The following P2RX5 variants were observed in gnomAD, a reference collection of about 807,000 sequenced individuals.
P2RX5 encodes P2X purinoceptor 5.
In P2RX5, 46 loss-of-function variants were observed where a neutral mutation model predicts 54.1. The observed-to-expected ratio is 0.85, with a 90% CI of 0.67 to 1.09. The LOEUF is 1.09. Ranked by LOEUF, P2RX5 falls within the 50% of genes least tolerant of loss-of-function variation. The pLI, the probability that P2RX5 is intolerant of heterozygous loss-of-function variation, is 0.00. For synonymous variants in P2RX5, 226 were observed against 226.4 expected (o/e 1.00, Z 0.02); for missense variants, 566 against 549.8 (o/e 1.03, Z -0.29).
the P2RX5 span, among the ~76,000 whole-genome samples, chr17:3,703,866 C>G: frequency 6.6e-6 from 1 of 152,094 alleles, no homozygotes; most frequent in Non-Finnish European, 1.5e-5. Flanking sequence ...TTTGGGAGGC[C>G]GAGGTGGGTG....
chr17:3,690,021 C>G (rs1479864330), intron 6 of P2RX5, 49 bp downstream of exon 6: 9 of 1,541,930 alleles, frequency 5.8e-6, no homozygotes, highest in South Asian at 1.1e-5. Flanking sequence ...GCCAAGGCCC[C>G]TCATCGACCA....
chr17:3,723,351 G>T, the P2RX5 span: 1 of 1,613,842 alleles, frequency 6.2e-7, no homozygotes, highest in South Asian at 1.1e-5. Flanking sequence ...CTGAAGCGAT[G>T]ACACAGCTCA....
At chr17:3,681,849 G>T in intron 10 of P2RX5, 47 bp downstream of exon 10, 1 of 1,273,870 alleles carries the variant, frequency 7.9e-7, no homozygotes, top group Non-Finnish European at 1.1e-6. Context: ...CCACGGGGGT[G>T]CTCCACAGGG....
chr17:3,675,462 C>T, intron 11 of P2RX5: 1 of 985,362 alleles, frequency 1.0e-6, no homozygotes, highest in Non-Finnish European at 1.2e-6. Flanking sequence ...TTTTTTGCTT[C>T]CTCCCAAACC....
chr17:3,679,543 C>A, intron 11 of P2RX5, 47 bp downstream of exon 11: 1 of 1,577,870 alleles, frequency 6.3e-7, no homozygotes, highest in South Asian at 1.1e-5. Context: ...GGGGACCCCT[C>A]TCTGCAGGAC....
chr17:3,695,834 T>G, intron 1 of P2RX5, 35 bp downstream of exon 1: 293 of 774,070 alleles, frequency 3.8e-4, no homozygotes, highest in Non-Finnish European at 5.5e-4. Flanking sequence ...GCCCTGCCCC[T>G]CCCCCGCCTT....
At chr17:3,705,295 C>T in the P2RX5 span, among the ~76,000 whole-genome samples, 3 of 152,154 alleles carry the variant, frequency 2.0e-5, no homozygotes, top group East Asian at 1.9e-4. Context: ...TCCCATAGTT[C>T]CCTGTACACG....
chr17:3,683,528 G>T (rs1472086915), intron 9 of P2RX5, among the ~76,000 whole-genome samples: 1 of 152,074 alleles, frequency 6.6e-6, no homozygotes, highest in Non-Finnish European at 1.5e-5. Flanking sequence ...GTCAGGAGTT[G>T]GAGACCAGCC....
the P2RX5 span, among the ~76,000 whole-genome samples, chr17:3,707,575 G>C: frequency 6.6e-6 from 1 of 152,148 alleles, no homozygotes; most frequent in South Asian, 2.1e-4. Context: ...GCTCTAAAGA[G>C]AGGAAAGATC....
Position 3,691,651 on chromosome 17 carries a change from G to A in P2RX5, c.281C>T (p.Pro94Leu). Residue 94 changes from proline (P) to leucine (L), a missense_variant, in exon 2 of 12, where the codon CCA becomes CTA. By Grantham distance (98) the Pro-to-Leu change is moderately conservative. Transcript: ENST00000225328. ...CTAGGTGGGGACTCAGACCTGGGCT[G>A]GAATGACGTAGTCGGCGACATCCCA... is the stretch of plus-strand genomic sequence containing the variant. The part of the protein sequence containing the change: ...RIWDVADYVI[P>L]AQGENVFFVV... 2 of 1,614,202 alleles carry A rather than the reference G, an allele frequency of 1.2e-6. No individual in the cohort carries two copies. Among genetic ancestry groups the A allele is most frequent in the Middle Eastern group, 3.3e-4 (2 of 6,062 alleles).
At chr17:3,690,325 T>C in intron 5 of P2RX5, 102 bp downstream of exon 5, 1 of 1,144,256 alleles carries the variant, frequency 8.7e-7, no homozygotes. Flanking sequence ...GACTCCTCCC[T>C]CAGCGTGAGG....
At chr17:3,701,704 A>AT in the P2RX5 span, among the ~76,000 whole-genome samples, 3 of 75,552 alleles carry the variant, frequency 4.0e-5, no homozygotes, top group Non-Finnish European at 1.2e-4. Context: ...CAGAAAAAAA[A>AT]AAAAAAAAAA....
the P2RX5 span, among the ~76,000 whole-genome samples, chr17:3,711,523 C>G: frequency 5.8e-4 from 87 of 150,632 alleles, no homozygotes; most frequent in Middle Eastern, 3.4e-3. Flanking sequence ...GCTGGGATTA[C>G]AGGCACCCAC....
chr17:3,705,115 G>C, the P2RX5 span, among the ~76,000 whole-genome samples: 1 of 152,298 alleles, frequency 6.6e-6, no homozygotes, highest in Admixed American at 6.5e-5. Context: ...TCTAACTCCA[G>C]TTCCCGGCGC....
Position 3,689,540 on chromosome 17 carries a change from G to T in P2RX5, c.705C>A (p.Gly235=). Residue 235 remains glycine, a synonymous_variant, in exon 7 of 12, where the codon GGC becomes GGA. Transcript: ENST00000225328. ...CGCTCCCGGCCCAGCGGATCACGGA[G>T]CCCAGTCGGAAGATGGGGCAGTAGT... is the stretch of plus-strand genomic sequence containing the variant. ...KNHYCPIFRL[G]SVIRWAGSDF... The T allele has an allele frequency of 1.9e-6, 3 of 1,614,226 alleles. No homozygotes were observed. The highest frequency in any genetic ancestry group is 2.2e-5 in the East Asian group (1 of 44,890).
the P2RX5 span, among the ~76,000 whole-genome samples, chr17:3,719,249 A>G: frequency 4.1e-5 from 6 of 146,284 alleles, no homozygotes; most frequent in East Asian, 2.0e-4. Flanking sequence ...AAAAAAAAAA[A>G]AAAAAAAGAA....
chr17:3,688,229 G>A (rs1032226046), intron 8 of P2RX5, 124 bp from the exon 9 acceptor site: 36 of 700,928 alleles, frequency 5.1e-5, no homozygotes, highest in Non-Finnish European at 6.5e-5. Context: ...GCAGCCCCAG[G>A]AGTGGCTTGC....
chr17:3,693,349 A>G (rs2050670592), intron 1 of P2RX5, among the ~76,000 whole-genome samples: 1 of 152,218 alleles, frequency 6.6e-6, no homozygotes, highest in Admixed American at 6.5e-5. Flanking sequence ...ACTGATAGGG[A>G]TGTAAAATGA....
the P2RX5 span, among the ~76,000 whole-genome samples, chr17:3,714,338 C>T: frequency 1.3e-5 from 2 of 152,286 alleles, no homozygotes; most frequent in South Asian, 4.1e-4. Context: ...AATGATTCTC[C>T]TGCCTCAGCC....
Sources: gnomAD v4.1 joint callset for allele counts (sites outside exome capture counted in the v4.1 genomes callset) on GRCh38, gnomAD v4.1.1 for gene constraint, MANE v1.5 for transcripts, NCBI Gene and HGNC (gene_info 2026-07-23, HGNC 2026-07-21) for gene names.